The following TCEA1 variants were observed in gnomAD, a reference collection of about 807,000 sequenced individuals.
TCEA1 encodes transcription elongation factor A protein 1.
Under a neutral mutation model 43.8 loss-of-function variants are expected in TCEA1, and 21 were observed. The observed-to-expected ratio is 0.48, with a 90% CI of 0.34 to 0.69. The LOEUF is 0.69. Among genes scored for constraint, TCEA1 ranks in the 30% least tolerant of loss-of-function variants. TCEA1 has a pLI of 0.01. For missense variants in TCEA1, 250 were observed against 365.1 expected, an observed-to-expected ratio of 0.68 and a Z score of 2.57; for synonymous variants, 104 against 117.5, an observed-to-expected ratio of 0.88 and a Z score of 0.75.
At chr8:53,983,117 A>G (rs1803567277) in intron 7 of TCEA1, among the ~76,000 whole-genome samples, 1 of 152,246 alleles carries the variant, frequency 6.6e-6, no homozygotes, top group African/African-American at 2.4e-5. Flanking sequence ...GAAAAATAGT[A>G]TGACTTGCTG....
intron 2 of TCEA1, among the ~76,000 whole-genome samples, chr8:54,001,088 C>T (rs1251517556): frequency 6.6e-6 from 1 of 152,168 alleles, no homozygotes; most frequent in Non-Finnish European, 1.5e-5. Context: ...GGTTTGTTCA[C>T]TGCCGAAGTC....
chr8:53,975,827 T>C (rs1489157295), intron 8 of TCEA1, among the ~76,000 whole-genome samples: 1 of 152,182 alleles, frequency 6.6e-6, no homozygotes, highest in Non-Finnish European at 1.5e-5. Flanking sequence ...GCACTGTGAA[T>C]GCTCTACTAC....
chr8:54,008,411 C>T (rs1007347192), intron 2 of TCEA1, among the ~76,000 whole-genome samples: 3 of 151,724 alleles, frequency 2.0e-5, no homozygotes, highest in Non-Finnish European at 2.9e-5. Context: ...GCCTGCAATC[C>T]CAGCACTTTG....
intron 3 of TCEA1, chr8:53,999,714 G>C (rs886241019): frequency 6.8e-6 from 3 of 440,768 alleles, no homozygotes; most frequent in African/African-American, 4.0e-5. Context: ...TACTGAAAGA[G>C]TTTATCCAGT....
chr8:54,021,922 C>G (rs554394990), intron 1 of TCEA1, 141 bp downstream of exon 1: 1 of 792,256 alleles, frequency 1.3e-6, no homozygotes, highest in South Asian at 3.4e-5. Context: ...GACACCCTCC[C>G]CGGGGACGCG....
At chr8:54,002,773 T>G in intron 2 of TCEA1, 4 of 400,848 alleles carry the variant, frequency 1.0e-5, no homozygotes, top group South Asian at 7.5e-5. Flanking sequence ...TTTTCTTGAC[T>G]GCAGGACTAA....
chr8:53,999,224 C>CAAAAAA (rs57357613), intron 3 of TCEA1, among the ~76,000 whole-genome samples: 17 of 64,514 alleles, frequency 2.6e-4, no homozygotes, highest in African/African-American at 7.4e-4. Context: ...GACTCAGTCT[C>CAAAAAA]AAAAAAAAAA....
intron 3 of TCEA1, among the ~76,000 whole-genome samples, chr8:53,997,938 A>T (rs181380693): frequency 6.6e-6 from 1 of 152,340 alleles, no homozygotes; most frequent in East Asian, 1.9e-4. Context: ...GATACAACTT[A>T]AAAATGTGGG....
At chr8:53,992,192 A>T (rs1480476595) in intron 4 of TCEA1, among the ~76,000 whole-genome samples, 2 of 151,490 alleles carry the variant, frequency 1.3e-5, no homozygotes, top group Non-Finnish European at 2.9e-5. Context: ...TACACCCATA[A>T]TCCCGGCTAC....
chr8:53,994,132 C>T (rs182438573), intron 3 of TCEA1, among the ~76,000 whole-genome samples: 217 of 152,310 alleles, frequency 1.4e-3, no homozygotes, highest in African/African-American at 4.9e-3. Context: ...ATCACTTGAG[C>T]TCATGAGTTT....
intron 2 of TCEA1, among the ~76,000 whole-genome samples, chr8:54,009,020 T>C (rs1216382545): frequency 6.6e-6 from 1 of 151,922 alleles, no homozygotes; most frequent in Non-Finnish European, 1.5e-5. Context: ...TGGCTAATTT[T>C]TGTATTTTTA....
chr8:53,973,776 C>T, intron 8 of TCEA1: 1 of 467,800 alleles, frequency 2.1e-6, no homozygotes, highest in South Asian at 2.1e-5. Flanking sequence ...GTTCAATGTG[C>T]ATCCCTCAGA....
At chr8:53,993,846 T>A in intron 3 of TCEA1, 91 bp from the exon 4 acceptor site, 2 of 986,834 alleles carry the variant, frequency 2.0e-6, no homozygotes, top group Non-Finnish European at 1.5e-6. Flanking sequence ...CAACATGAAC[T>A]AAAATCCTAA....
chr8:53,988,408 T>C (rs910030103), intron 4 of TCEA1, 149 bp from the exon 5 acceptor site: 1 of 919,960 alleles, frequency 1.1e-6, no homozygotes, highest in Non-Finnish European at 1.5e-6. Context: ...AAAAATTGCC[T>C]GCATACAGAT....
At chr8:54,006,427 C>T (rs1309399547) in intron 2 of TCEA1, among the ~76,000 whole-genome samples, 1 of 151,910 alleles carries the variant, frequency 6.6e-6, no homozygotes, top group Non-Finnish European at 1.5e-5. Flanking sequence ...TGCAGTGAGC[C>T]GAGATCGTGC....
chr8:53,978,014 T>C (rs1245131961), intron 8 of TCEA1, among the ~76,000 whole-genome samples: 1 of 152,216 alleles, frequency 6.6e-6, no homozygotes, highest in East Asian at 1.9e-4. Context: ...AATTCTTATA[T>C]TTTATAAATT....
intron 3 of TCEA1, among the ~76,000 whole-genome samples, chr8:53,994,675 T>C (rs1803991211): frequency 6.6e-6 from 1 of 151,794 alleles, no homozygotes; most frequent in African/African-American, 2.4e-5. Context: ...AAGATCATCC[T>C]GGTTAACATG....
At chr8:54,009,003 C>T (rs934889500) in intron 2 of TCEA1, among the ~76,000 whole-genome samples, 1 of 151,786 alleles carries the variant, frequency 6.6e-6, no homozygotes, top group Non-Finnish European at 1.5e-5. Context: ...GTATGCACCA[C>T]CACACCTGGC....
chr8:54,010,630 G>A (rs1276463728), intron 1 of TCEA1, 138 bp from the exon 2 acceptor site: 1 of 594,298 alleles, frequency 1.7e-6, no homozygotes, highest in East Asian at 3.0e-5. Flanking sequence ...ACCACCTATA[G>A]CTTACAGCCA....
Sources: gnomAD v4.1 joint callset for allele counts (sites outside exome capture counted in the v4.1 genomes callset) on GRCh38, gnomAD v4.1.1 for gene constraint, MANE v1.5 for transcripts, NCBI Gene and HGNC (gene_info 2026-07-23, HGNC 2026-07-21) for gene names.